The following LRRC1 variants were observed in gnomAD, a reference collection of about 807,000 sequenced individuals.
The protein encoded by LRRC1 is leucine rich repeat containing 1.
LRRC1 carries 28 observed loss-of-function variants against 69.9 expected under a neutral mutation model. That is an observed-to-expected ratio of 0.40 (90% confidence interval 0.30 to 0.55). The LOEUF (loss-of-function observed/expected upper bound fraction) is 0.55. Among genes scored for constraint, LRRC1 ranks in the 20% least tolerant of loss-of-function variants. The pLI, the probability that LRRC1 is intolerant of heterozygous loss-of-function variation, is 0.47. For missense variants in LRRC1, 498 were observed against 609.0 expected (o/e 0.82, Z 1.92); for synonymous variants, 236 against 240.2 (o/e 0.98, Z 0.16).
At chr6:53,816,724 A>AG (rs1391041595) in intron 1 of LRRC1, among the ~76,000 whole-genome samples, 4 of 47,210 alleles carry the variant, frequency 8.5e-5, no homozygotes, top group African/African-American at 2.3e-4. Context: ...AACCCCATGG[A>AG]GGGCAGAGGG....
rs142601779 is a variant in LRRC1 at position 53,863,813 on chromosome 6, G to A, written c.278-15180G>A. 1.3e-4 allele frequency among the ~76,000 whole-genome samples: 20 copies of A among 152,138 alleles called. No individual in the cohort carries two copies. In the East Asian group the frequency reaches 1.4e-3, roughly 10 times the overall value. On this transcript the variant is annotated intron_variant, in intron 2 of 13. Coordinates refer to ENST00000370888, the MANE Select transcript of LRRC1 (RefSeq NM_018214.5). The stretch of plus-strand genomic sequence containing the variant: ...ATTTTGATAATAAAAATATATCACC[G>A]TCATTTAGTAAAAGACAAAGATTTC...
chr6:53,837,300 A>T (rs1765640279), intron 1 of LRRC1, among the ~76,000 whole-genome samples: 1 of 152,278 alleles, frequency 6.6e-6, no homozygotes, highest in Non-Finnish European at 1.5e-5. Flanking sequence ...CACAGAAAAG[A>T]ACAATACCAG....
At chr6:53,828,733 G>A (rs1765342896) in intron 1 of LRRC1, among the ~76,000 whole-genome samples, 1 of 152,170 alleles carries the variant, frequency 6.6e-6, no homozygotes, top group Admixed American at 6.5e-5. Flanking sequence ...AGACCCTTTA[G>A]ACATTTGGTC....
intron 2 of LRRC1, among the ~76,000 whole-genome samples, chr6:53,853,244 A>G (rs1483591533): frequency 2.6e-5 from 4 of 151,618 alleles, no homozygotes; most frequent in Admixed American, 2.0e-4. Flanking sequence ...GGGAATACCA[A>G]CATTCAGGTG....
intron 1 of LRRC1, among the ~76,000 whole-genome samples, chr6:53,824,393 T>G (rs568489784): frequency 6.6e-6 from 1 of 152,324 alleles, no homozygotes; most frequent in East Asian, 1.9e-4. Flanking sequence ...TATTAGACCT[T>G]TGTCAGATGC....
At chr6:53,901,281 A>G (rs1194460106) in intron 8 of LRRC1, among the ~76,000 whole-genome samples, 1 of 152,236 alleles carries the variant, frequency 6.6e-6, no homozygotes, top group Non-Finnish European at 1.5e-5. Context: ...TAAAAAGCAA[A>G]GATGGCTGGG....
Position 53,877,058 on chromosome 6 carries a change from A to G in LRRC1, c.278-1935A>G, listed in dbSNP as rs542677248. Among the ~76,000 whole-genome samples the G allele has an allele frequency of 2.2e-4, 33 of 152,358 alleles. No homozygotes were observed. The East Asian group carries it at 6.2e-3, about 28-fold the overall frequency. On this transcript the variant is annotated intron_variant, in intron 2 of 13. Transcript: ENST00000370888. ...CAAACTTTTGCCTGGGCATCCAGGC[A>G]TTTCCATACATCTTCTGAAATCTAG...
intron 2 of LRRC1, among the ~76,000 whole-genome samples, chr6:53,868,781 C>G (rs1185768205): frequency 6.6e-6 from 1 of 152,158 alleles, no homozygotes. Flanking sequence ...TCTCCAGATA[C>G]TCTCATTTTG....
chr6:53,888,991 A>G (rs1264818583), intron 4 of LRRC1, among the ~76,000 whole-genome samples: 1 of 152,228 alleles, frequency 6.6e-6, no homozygotes, highest in Non-Finnish European at 1.5e-5. Flanking sequence ...GAATATATTT[A>G]GAACTTTTAC....
chr6:53,834,717 T>C (rs1335468351), intron 1 of LRRC1, among the ~76,000 whole-genome samples: 1 of 152,194 alleles, frequency 6.6e-6, no homozygotes, highest in Non-Finnish European at 1.5e-5. Context: ...TCTGTGCCTA[T>C]AATACCAGCA....
intron 1 of LRRC1, among the ~76,000 whole-genome samples, chr6:53,834,355 C>T (rs1209316286): frequency 6.6e-6 from 1 of 152,188 alleles, no homozygotes; most frequent in Non-Finnish European, 1.5e-5. Context: ...TTTTCTTCCG[C>T]TCGCAACTTG....
intron 4 of LRRC1, among the ~76,000 whole-genome samples, chr6:53,893,949 T>C (rs541631682): frequency 6.6e-6 from 1 of 152,348 alleles, no homozygotes; most frequent in Non-Finnish European, 1.5e-5. Flanking sequence ...CCATTTGCTC[T>C]GAAGACAAAA....
chr6:53,842,963 A>T (rs1765835772), intron 2 of LRRC1, among the ~76,000 whole-genome samples: 1 of 152,178 alleles, frequency 6.6e-6, no homozygotes, highest in South Asian at 2.1e-4. Context: ...TCATTTTTAA[A>T]TGGGTACCTT....
chr6:53,890,903 C>A (rs1032303641), intron 4 of LRRC1, among the ~76,000 whole-genome samples: 6 of 152,020 alleles, frequency 3.9e-5, no homozygotes, highest in African/African-American at 1.5e-4. Flanking sequence ...ATGTGTTTTA[C>A]TCTTTATTTT....
intron 7 of LRRC1, among the ~76,000 whole-genome samples, chr6:53,897,846 T>C (rs9463996): frequency 0.48 from 73,548 of 151,986 alleles, 18,151 homozygotes; most frequent in Middle Eastern, 0.54. Context: ...TGTTCAGGCC[T>C]TTCCTACTGT....
chr6:53,903,462 T>C (rs1768128644), intron 9 of LRRC1, among the ~76,000 whole-genome samples: 1 of 152,180 alleles, frequency 6.6e-6, no homozygotes, highest in Non-Finnish European at 1.5e-5. Flanking sequence ...TCCCCCACTT[T>C]TAGTTGTCAT....
At chr6:53,829,851 C>T (rs752096723) in intron 1 of LRRC1, among the ~76,000 whole-genome samples, 1 of 152,118 alleles carries the variant, frequency 6.6e-6, no homozygotes, top group Non-Finnish European at 1.5e-5. Context: ...GTTGCTCTTA[C>T]ACTTTACTTT....
At chr6:53,816,772 G>T (rs949632024) in intron 1 of LRRC1, among the ~76,000 whole-genome samples, 6 of 152,246 alleles carry the variant, frequency 3.9e-5, no homozygotes, top group African/African-American at 1.4e-4. Context: ...TTCTTTCCTT[G>T]TATTTCTGAT....
At chr6:53,888,655 A>G (rs1396495623) in intron 4 of LRRC1, among the ~76,000 whole-genome samples, 2 of 152,214 alleles carry the variant, frequency 1.3e-5, no homozygotes, top group Non-Finnish European at 2.9e-5. Context: ...TGGGAAAACT[A>G]TGAACATACA....
Sources: allele counts gnomAD v4.1 joint callset (sites outside exome capture counted in the v4.1 genomes callset), GRCh38; gene constraint gnomAD v4.1.1; transcripts MANE v1.5; gene names NCBI Gene and HGNC (gene_info 2026-07-23, HGNC 2026-07-21).